Variants in ACE observed in about 807,000 individuals in gnomAD.
ACE encodes the protein angiotensin I converting enzyme, also known as angiotensin-converting enzyme.
Under a neutral mutation model 162.3 loss-of-function variants are expected in ACE, and 122 were observed. The ratio of observed to expected loss-of-function variants is 0.75; its 90% CI spans 0.65 to 0.87. The LOEUF (loss-of-function observed/expected upper bound fraction) is 0.87, where lower values mean the gene tolerates loss of function less well. ACE is among the 40% of genes least tolerant of loss of function. The pLI is 0.00. For missense variants in ACE, 1,799 were observed against 1,735.1 expected, an observed-to-expected ratio of 1.04 and a Z score of -0.65; for synonymous variants, 796 against 720.6, an observed-to-expected ratio of 1.10 and a Z score of -1.68.
intron 13 of ACE, 28 bp from the exon 14 acceptor site, chr17:63,486,529 C>T (rs201473268): frequency 6.2e-7 from 1 of 1,613,358 alleles, no homozygotes; most frequent in Non-Finnish European, 8.5e-7. Flanking sequence ...CTCCTGGGCC[C>T]TGTGACACCA....
Position 63,491,183 on chromosome 17 carries a change from T to C in ACE, c.2740-26T>C, listed in dbSNP as rs762292544. On this transcript the variant is annotated intron_variant, in intron 18 of 24. Transcript: ENST00000290866. This position sits in a 1 kb window ranked among gnomAD's most constrained non-coding sequence, Gnocchi z 4.4. Reference sequence around the variant, plus strand: ...GCAGTCTGTCCCCGGAACCCCCAGTTTGGGCAGAACTCCCTCTGCTTGCAG... The same window carrying C: ...GCAGTCTGTCCCCGGAACCCCCAGTCTGGGCAGAACTCCCTCTGCTTGCAG... The C allele has an allele frequency of 1.2e-6, 2 of 1,613,428 alleles. No individual in the cohort carries two copies. The highest frequency in any genetic ancestry group is 2.7e-5 in the African/African-American group (2 of 74,884).
At chr17:63,480,761 A>C (rs1340857082) in intron 5 of ACE, among the ~76,000 whole-genome samples, 1 of 152,190 alleles carries the variant, frequency 6.6e-6, no homozygotes, top group African/African-American at 2.4e-5. Flanking sequence ...TAGGGGCCAA[A>C]CCAAAGGCTC....
rs12720731 is a variant in ACE, at chr17:63,487,344, C to G, written c.2305+271C>G. Among the ~76,000 whole-genome samples the G allele has an allele frequency of 0.061, 9,288 of 152,116 alleles. 816 individuals carry two copies. The highest frequency in any genetic ancestry group is 0.19 in the African/African-American group (8,058 of 41,430). The stretch of plus-strand genomic sequence containing the variant: ...CTCTCCTGTCCTCTCTGCATGCCGC[C>G]CCTCAGAGCAGCGGGATCTCAAAGT... On this transcript the variant is annotated intron_variant, in intron 15 of 24. Coordinates refer to ENST00000290866, the MANE Select transcript of ACE (RefSeq NM_000789.4).
rs777638081 is a variant in ACE, at chr17:63,482,490, G to A, written c.1143G>A (p.Thr381=). 5 of 1,613,930 alleles carry A rather than the reference G, an allele frequency of 3.1e-6. No individual in the cohort carries two copies. The highest frequency in any genetic ancestry group is 4.2e-6 in the Non-Finnish European group (5 of 1,179,976). ...DFRIKQCTRV[T]MDQLSTVHHE... is the part of the protein sequence containing the mutation. ...GGATCAAGCAGTGCACACGGGTCAC[G>A]ATGGACCAGCTCTCCACAGTGCACC... is the stretch of plus-strand genomic sequence containing the variant. Residue 381 remains threonine, a synonymous_variant, in exon 8 of 25, where the codon ACG becomes ACA. Coordinates refer to ENST00000290866, the MANE Select transcript of ACE (RefSeq NM_000789.4).
chr17:63,478,845 C>T (rs1342287147), intron 2 of ACE, 162 bp from the exon 3 acceptor site: 85 of 681,522 alleles, frequency 1.2e-4, no homozygotes, highest in Non-Finnish European at 9.3e-5. Context: ...AGAAGTGATC[C>T]GGTCACACTA....
intron 2 of ACE, chr17:63,478,349 G>C (rs2049653132): frequency 1.8e-6 from 1 of 545,550 alleles, no homozygotes; most frequent in East Asian, 3.2e-5. Context: ...TTCTCCCTAG[G>C]CTGGTTTATG....
chr17:63,491,260 C>T lies in ACE; in HGVS notation c.2791C>T (p.Leu931=), dbSNP rs141180606. 3.1e-3 allele frequency: 4,972 copies of T among 1,614,150 alleles called. 194 individuals are homozygous for T. The South Asian group carries it at 0.052, about 17-fold the overall frequency. Residue 931 remains leucine, a synonymous_variant, in exon 19 of 25, where the codon CTG becomes TTG. Transcript: ENST00000290866. The surrounding 1 kb of genome is among the most constrained non-coding windows in gnomAD (Gnocchi z 4.4). The part of the protein sequence containing the change: ...FKEADDFFTS[L]GLLPVPPEFW... ...GGAGGCTGATGATTTCTTCACCTCC[C>T]TGGGGCTGCTGCCCGTGCCTCCTGA... is the stretch of plus-strand genomic sequence containing the variant.
At chr17:63,479,535 C>A (rs1372917603) in intron 3 of ACE, among the ~76,000 whole-genome samples, 1 of 152,170 alleles carries the variant, frequency 6.6e-6, no homozygotes, top group East Asian at 1.9e-4. Flanking sequence ...TTTGGGTGTC[C>A]CCTTGGTGTC....
At position 63,492,820 on chromosome 17, in the gene ACE, G is replaced by A. The variant is rs4352; in HGVS notation, c.2913-616G>A. 4.1e-3 allele frequency among the ~76,000 whole-genome samples: 621 copies of A among 152,222 alleles called. 6 individuals are homozygous for A. Among genetic ancestry groups the A allele is most frequent in the African/African-American group, 0.014 (596 of 41,520 alleles). On this transcript the variant is annotated intron_variant, in intron 19 of 24. Coordinates refer to ENST00000290866, the MANE Select transcript of ACE (RefSeq NM_000789.4). Reference sequence around the variant, plus strand: ...GAGGTCTGCTTGAGCTCAGGGGTTCGAGACCATCCTGGGCAACATAGCGAG... The same window carrying A: ...GAGGTCTGCTTGAGCTCAGGGGTTCAAGACCATCCTGGGCAACATAGCGAG...
rs1386666377 is a variant in ACE at position 63,497,459 on chromosome 17, C to T, written c.*93C>T. ...GCAGCTGAGGACACACCCCACACCC[C>T]AGCCCACCCTGCTCCTCCTGCCCTG... On this transcript the variant is annotated 3_prime_UTR_variant, in exon 25 of 25. Transcript: ENST00000290866. 2.6e-6 allele frequency: 3 copies of T among 1,154,678 alleles called. No homozygotes were observed. The highest frequency in any genetic ancestry group is 1.5e-5 in the African/African-American group (1 of 65,400). The allele number at this position is 1,154,678 out of a possible 1,614,324, so 71.5% of individuals were successfully genotyped here.
rs546796175 is a variant in ACE, at chr17:63,484,407, C to T, written c.1787C>T (p.Ala596Val). 18 of 1,612,050 alleles carry T rather than the reference C, an allele frequency of 1.1e-5. No homozygotes were observed. The African/African-American group carries it at 1.9e-4, about 17-fold the overall frequency. The change falls in exon 12 of 25, where the codon GCC becomes GTC. Residue 596 changes from alanine to valine, a missense_variant. Physicochemically the swap from Ala to Val is moderately conservative, Grantham distance 64. Coordinates refer to ENST00000290866, the MANE Select transcript of ACE (RefSeq NM_000789.4). This position sits in a 1 kb window ranked among gnomAD's most constrained non-coding sequence, Gnocchi z 4.0. ...ATGGTCGGCTTAGATGCCCTGGATG[C>T]CCAGCCGCTGCTCAAGTACTTCCAG... ...KDMVGLDALD[A>V]QPLLKYFQPV... is the part of the protein sequence containing the mutation.
At chr17:63,494,110 G>C in intron 21 of ACE, 44 bp downstream of exon 21, 1 of 1,611,236 alleles carries the variant, frequency 6.2e-7, no homozygotes, top group African/African-American at 1.3e-5. Context: ...GGATCTCTGC[G>C]AGTGTCTGCA....
At chr17:63,485,562 C>T (rs946390725) in intron 13 of ACE, 190 bp downstream of exon 13, 8 of 725,168 alleles carry the variant, frequency 1.1e-5, no homozygotes, top group East Asian at 9.4e-5. Flanking sequence ...GGGCGGATCA[C>T]GAGGTCAGAT....
Position 63,496,951 on chromosome 17 carries a change from G to A in ACE, c.3657G>A (p.Leu1219=), listed in dbSNP as rs749373274. Residue 1219 remains leucine (L), a synonymous_variant, in exon 24 of 25, where the codon CTG becomes CTA. Coordinates refer to ENST00000290866, the MANE Select transcript of ACE (RefSeq NM_000789.4). ...RTENELHGEK[L]GWPQYNWTPN... Reference sequence around the variant, plus strand: ...AGAACGAGCTGCATGGGGAGAAGCTGGGCTGGCCGCAGTACAACTGGACGC... The same window carrying A: ...AGAACGAGCTGCATGGGGAGAAGCTAGGCTGGCCGCAGTACAACTGGACGC... 1.2e-5 allele frequency: 19 copies of A among 1,612,726 alleles called. No homozygotes were observed. Among genetic ancestry groups the A allele is most frequent in the Non-Finnish European group, 1.6e-5 (19 of 1,179,910 alleles).
Position 63,493,933 on chromosome 17 carries a change from A to G in ACE, c.3148A>G (p.Asn1050Asp), listed in dbSNP as rs751226904. Reference protein sequence around the residue: ...SEGGSDEHDINFLMKMALDKI... With the variant: ...SEGGSDEHDIDFLMKMALDKI... Reference sequence around the variant, plus strand: ...CCCTTCCCTTGCAGAGCATGACATCAACTTTCTGATGAAGATGGCCCTTGA... The same window carrying G: ...CCCTTCCCTTGCAGAGCATGACATCGACTTTCTGATGAAGATGGCCCTTGA... The change falls in exon 21 of 25, where the codon AAC becomes GAC. Residue 1050 changes from asparagine to aspartate, a missense_variant. Asn to Asp is a conservative substitution (Grantham distance 23). Transcript: ENST00000290866. 6.2e-7 allele frequency: 1 copy of G among 1,614,074 alleles called. No individual in the cohort carries two copies. The highest frequency in any genetic ancestry group is 1.7e-5 in the Admixed American group (1 of 60,022).
At chr17:63,493,379 CCCAGGG>C (rs1240022083) in intron 19 of ACE, 51 bp from the exon 20 acceptor site, 156 of 1,543,308 alleles carry the variant, frequency 1.0e-4, no homozygotes, top group Non-Finnish European at 1.3e-4. Context: ...TTCCCTTATG[CCCAGGG>C]CTTCTCACTG....
rs1160180259 is a variant in ACE, at chr17:63,487,074, G to A, written c.2305+1G>A. The stretch of plus-strand genomic sequence containing the variant: ...GGCAGCTGCCTGCAGCTCGAGCCAG[G>A]TGAGAGCTCATGTGCAGGCTGAGTG... On this transcript the variant is annotated splice_donor_variant, in intron 15 of 24. Coordinates refer to ENST00000290866, the MANE Select transcript of ACE (RefSeq NM_000789.4). LOFTEE classifies it high-confidence loss of function. 6.2e-7 allele frequency: 1 copy of A among 1,613,308 alleles called. No individual in the cohort carries two copies. Among genetic ancestry groups the A allele is most frequent in the Non-Finnish European group, 8.5e-7 (1 of 1,179,826 alleles).
At chr17:63,489,256 G>A (rs545732092) in intron 17 of ACE, 124 bp downstream of exon 17, 3 of 1,252,330 alleles carry the variant, frequency 2.4e-6, no homozygotes, top group African/African-American at 1.5e-5. Context: ...CCCTGTGGGG[G>A]ATGGTTGCCC....
At chr17:63,480,782 T>C (rs1291471654) in intron 5 of ACE, among the ~76,000 whole-genome samples, 1 of 152,134 alleles carries the variant, frequency 6.6e-6, no homozygotes. Flanking sequence ...TGGCCCTGGG[T>C]CCAGTGGGGG....
Sources: allele counts gnomAD v4.1 joint callset (sites outside exome capture counted in the v4.1 genomes callset), GRCh38; gene constraint gnomAD v4.1.1; non-coding constraint Gnocchi (gnomAD v3.1); transcripts MANE v1.5; gene names NCBI Gene and HGNC (gene_info 2026-07-23, HGNC 2026-07-21).